The following CADPS2 variants were observed in gnomAD, a reference collection of about 807,000 sequenced individuals.
CADPS2 encodes calcium-dependent secretion activator 2.
Under a neutral mutation model 172.5 loss-of-function variants are expected in CADPS2, and 93 were observed. The ratio of observed to expected loss-of-function variants is 0.54; its 90% CI spans 0.46 to 0.64. CADPS2 has a LOEUF of 0.64. Among genes scored for constraint, CADPS2 ranks in the 30% least tolerant of loss-of-function variants. The probability of loss-of-function intolerance (pLI) is 0.00; values close to 1 mark genes in which losing one functional copy is unlikely to be tolerated. For missense variants in CADPS2, 1,420 were observed against 1,565.9 expected (o/e 0.91, Z 1.57); for synonymous variants, 546 against 555.2 (o/e 0.98, Z 0.23).
At chr7:122,595,511 C>T (rs1422957849) in intron 6 of CADPS2, among the ~76,000 whole-genome samples, 2 of 152,018 alleles carry the variant, frequency 1.3e-5, no homozygotes, top group Admixed American at 6.6e-5. Flanking sequence ...TAATTGCTTA[C>T]ATTTAAAAGC....
At chr7:122,836,950 T>C (rs1808659148) in intron 1 of CADPS2, among the ~76,000 whole-genome samples, 1 of 151,878 alleles carries the variant, frequency 6.6e-6, no homozygotes, top group African/African-American at 2.4e-5. Context: ...TACAGAACGC[T>C]CCACCCCAAA....
chr7:122,517,680 T>C (rs1404605023), intron 8 of CADPS2, among the ~76,000 whole-genome samples: 2 of 152,068 alleles, frequency 1.3e-5, no homozygotes, highest in Non-Finnish European at 2.9e-5. Flanking sequence ...TTATCTTGAG[T>C]ACAGTGGAGA....
intron 8 of CADPS2, among the ~76,000 whole-genome samples, chr7:122,543,060 G>GT (rs2063263641): frequency 6.6e-6 from 1 of 151,494 alleles, no homozygotes; most frequent in Non-Finnish European, 1.5e-5. Context: ...GAAGAATAAA[G>GT]TAAGTTATTT....
intron 3 of CADPS2, among the ~76,000 whole-genome samples, chr7:122,654,903 A>G (rs2215668): frequency 0.74 from 111,951 of 152,162 alleles, 41,672 homozygotes; most frequent in Middle Eastern, 0.91. Flanking sequence ...CAAGGGAGGA[A>G]GTTAAAATGT....
intron 3 of CADPS2, among the ~76,000 whole-genome samples, chr7:122,655,292 T>C (rs1279543641): frequency 1.6e-4 from 24 of 152,164 alleles, no homozygotes; most frequent in Non-Finnish European, 5.9e-5. Flanking sequence ...TAAAATACTA[T>C]CAAACAGTAT....
At chr7:122,349,241 G>A (rs185972709) in intron 27 of CADPS2, among the ~76,000 whole-genome samples, 67 of 152,118 alleles carry the variant, frequency 4.4e-4, no homozygotes, top group African/African-American at 1.6e-3. Context: ...TTTTTATTAA[G>A]AATATTGTAT....
At position 122,490,151 on chromosome 7, in the gene CADPS2, T is replaced by C. The variant is rs770635630; in HGVS notation, c.1782A>G (p.Lys594=). Residue 594 remains lysine, a synonymous_variant, in exon 11 of 30, where the codon AAA becomes AAG. Coordinates refer to ENST00000449022, the MANE Select transcript of CADPS2 (RefSeq NM_017954.11). ...TCTGGGTTTGAATTGCAGGAACTGG[T>C]TTATATGATTGACCTGTGGCCCTAT... is the stretch of plus-strand genomic sequence containing the variant. ...AMYRATGQSY[K]PVPAIQTQKL... is the part of the protein sequence containing the mutation. 6.2e-7 allele frequency: 1 copy of C among 1,613,518 alleles called. No individual in the cohort carries two copies. The highest frequency in any genetic ancestry group is 1.1e-5 in the South Asian group (1 of 91,076).
intron 24 of CADPS2, among the ~76,000 whole-genome samples, chr7:122,382,535 G>C (rs1739839783): frequency 6.6e-6 from 1 of 152,106 alleles, no homozygotes; most frequent in Non-Finnish European, 1.5e-5. Context: ...TGCAAAAAGA[G>C]ATCACAGGTA....
At chr7:122,544,101 C>CAT (rs771469930) in intron 8 of CADPS2, among the ~76,000 whole-genome samples, 1 of 151,944 alleles carries the variant, frequency 6.6e-6, no homozygotes, top group Non-Finnish European at 1.5e-5. Context: ...AGAAACTATG[C>CAT]ATATATATAC....
At chr7:122,349,526 G>C (rs572033816) in intron 27 of CADPS2, among the ~76,000 whole-genome samples, 2 of 152,110 alleles carry the variant, frequency 1.3e-5, no homozygotes, top group South Asian at 4.2e-4. Context: ...AATCTGTCTA[G>C]CAAAGTTATA....
intron 2 of CADPS2, chr7:122,699,237 G>A (rs1043300320): frequency 1.3e-5 from 3 of 222,658 alleles, no homozygotes; most frequent in African/African-American, 6.9e-5. Flanking sequence ...GAATTTATTG[G>A]CTTAAATGCT....
At chr7:122,645,391 GTGTA>G (rs1216917171) in intron 3 of CADPS2, among the ~76,000 whole-genome samples, 3 of 63,558 alleles carry the variant, frequency 4.7e-5, no homozygotes, top group African/African-American at 1.3e-4. Flanking sequence ...GTACATGTGT[GTGTA>G]TATATGTACA....
chr7:122,884,811 T>C (rs1411464063), intron 1 of CADPS2, among the ~76,000 whole-genome samples: 2 of 152,214 alleles, frequency 1.3e-5, no homozygotes, highest in African/African-American at 4.8e-5. Flanking sequence ...CACAGCTTTT[T>C]ACATGTCAAT....
chr7:122,413,838 C>T (rs2047587267), intron 19 of CADPS2, among the ~76,000 whole-genome samples: 1 of 152,144 alleles, frequency 6.6e-6, no homozygotes. Flanking sequence ...TCCCTTCAGT[C>T]ATGTTTTACT....
At chr7:122,441,656 G>T in intron 15 of CADPS2, 81 bp from the exon 16 acceptor site, 1 of 825,238 alleles carries the variant, frequency 1.2e-6, no homozygotes, top group Non-Finnish European at 1.8e-6. Context: ...GTATTACTTG[G>T]CATTAATGAA....
chr7:122,831,428 C>A (rs1454761676), intron 1 of CADPS2, among the ~76,000 whole-genome samples: 1 of 152,168 alleles, frequency 6.6e-6, no homozygotes, highest in African/African-American at 2.4e-5. Flanking sequence ...TATGGAAATT[C>A]CCATCAGAAC....
At chr7:122,554,724 G>C (rs199730957) in intron 7 of CADPS2, 35 bp from the exon 8 acceptor site, 1 of 1,545,046 alleles carries the variant, frequency 6.5e-7, no homozygotes, top group Non-Finnish European at 8.7e-7. Flanking sequence ...TTAAACGCAT[G>C]ATACGGAGTG....
At chr7:122,574,557 C>T (rs906505766) in intron 7 of CADPS2, among the ~76,000 whole-genome samples, 18 of 141,364 alleles carry the variant, frequency 1.3e-4, no homozygotes, top group African/African-American at 4.5e-4. Flanking sequence ...GTGCTAATAA[C>T]AGGCCTGGGG....
intron 3 of CADPS2, 143 bp downstream of exon 3, chr7:122,663,094 T>A: frequency 1.6e-6 from 1 of 633,610 alleles, no homozygotes. Flanking sequence ...AATATCACTA[T>A]GTGATCTATT....
Sources: gnomAD v4.1 joint callset for allele counts (sites outside exome capture counted in the v4.1 genomes callset) on GRCh38, gnomAD v4.1.1 for gene constraint, MANE v1.5 for transcripts, NCBI Gene and HGNC (gene_info 2026-07-23, HGNC 2026-07-21) for gene names.